Variants in C16orf78 observed in about 807,000 individuals in gnomAD.
C16orf78 encodes uncharacterized protein C16orf78.
C16orf78 carries 19 observed loss-of-function variants against 27.3 expected under a neutral mutation model. The ratio of observed to expected loss-of-function variants is 0.70; its 90% CI spans 0.49 to 1.02. C16orf78 has a LOEUF of 1.02. Ranked by LOEUF, C16orf78 falls within the 50% of genes least tolerant of loss-of-function variation. C16orf78 has a pLI of 0.00. For synonymous variants in C16orf78, 130 were observed against 116.1 expected (o/e 1.12, Z -0.77); for missense variants, 339 against 337.0 (o/e 1.01, Z -0.05).
intron 3 of C16orf78, among the ~76,000 whole-genome samples, chr16:49,382,767 A>C (rs1251578021): frequency 6.6e-6 from 1 of 152,114 alleles, no homozygotes; most frequent in Non-Finnish European, 1.5e-5. Flanking sequence ...GAGTCCTGGT[A>C]CTGCTCAGTT....
At chr16:49,390,290 T>A (rs1477270101) in intron 3 of C16orf78, among the ~76,000 whole-genome samples, 1 of 152,220 alleles carries the variant, frequency 6.6e-6, no homozygotes, top group Non-Finnish European at 1.5e-5. Flanking sequence ...TTTGACAAAT[T>A]TTTGGACATT....
intron 4 of C16orf78, among the ~76,000 whole-genome samples, 160 bp downstream of exon 4, chr16:49,396,838 G>C (rs144238481): frequency 0.015 from 2,343 of 152,306 alleles, 33 homozygotes; most frequent in Non-Finnish European, 0.024. Context: ...CTGCTCCAGG[G>C]CTCAAGCCAG....
intron 1 of C16orf78, among the ~76,000 whole-genome samples, chr16:49,375,435 G>A (rs1965203211): frequency 6.6e-6 from 1 of 152,206 alleles, no homozygotes; most frequent in Non-Finnish European, 1.5e-5. Context: ...CATGGCAGAA[G>A]GCAAAAGAGG....
At chr16:49,391,753 C>T (rs1382674152) in intron 3 of C16orf78, among the ~76,000 whole-genome samples, 2 of 152,172 alleles carry the variant, frequency 1.3e-5, no homozygotes, top group African/African-American at 2.4e-5. Context: ...ATATTGCTAT[C>T]GCTCCTTCCT....
chr16:49,375,584 CT>C (rs1374643483), intron 1 of C16orf78, among the ~76,000 whole-genome samples: 1 of 152,170 alleles, frequency 6.6e-6, no homozygotes, highest in East Asian at 1.9e-4. Flanking sequence ...GAAAGTGCCC[CT>C]ATGATCTAAT....
At chr16:49,382,438 TAAA>T (rs1965297704) in intron 3 of C16orf78, among the ~76,000 whole-genome samples, 1 of 151,524 alleles carries the variant, frequency 6.6e-6, no homozygotes, top group Admixed American at 6.6e-5. Flanking sequence ...AATAAATAAA[TAAA>T]TAAATTTAAA....
intron 3 of C16orf78, among the ~76,000 whole-genome samples, chr16:49,391,166 T>G (rs1314729632): frequency 1.3e-5 from 2 of 152,158 alleles, no homozygotes; most frequent in African/African-American, 4.8e-5. Flanking sequence ...ATTACCAAAT[T>G]GAATTTAAAT....
At chr16:49,395,720 G>A (rs1183739068) in intron 3 of C16orf78, among the ~76,000 whole-genome samples, 5 of 152,062 alleles carry the variant, frequency 3.3e-5, no homozygotes, top group East Asian at 1.9e-4. Flanking sequence ...TCAACGATTC[G>A]CCCTTTTAAA....
chr16:49,397,632 A>AC (rs1442500733), intron 4 of C16orf78, among the ~76,000 whole-genome samples: 1 of 152,112 alleles, frequency 6.6e-6, no homozygotes, highest in Admixed American at 6.5e-5. Context: ...CAGACAGCCT[A>AC]CCCGGGTTCC....
intron 3 of C16orf78, among the ~76,000 whole-genome samples, chr16:49,395,673 C>T (rs188730082): frequency 6.6e-6 from 1 of 152,200 alleles, no homozygotes; most frequent in Non-Finnish European, 1.5e-5. Context: ...ACATTCTGTT[C>T]CTCTGCCTGC....
intron 3 of C16orf78, among the ~76,000 whole-genome samples, chr16:49,379,927 C>T (rs2151611289): frequency 6.6e-6 from 1 of 152,194 alleles, no homozygotes; most frequent in African/African-American, 2.4e-5. Context: ...AGAGGCAGAC[C>T]CACCCTCAAC....
chr16:49,382,292 A>G (rs934950979), intron 3 of C16orf78, among the ~76,000 whole-genome samples: 8 of 152,138 alleles, frequency 5.3e-5, no homozygotes, highest in Admixed American at 1.3e-4. Flanking sequence ...GAGGGATAGC[A>G]TTAGGAGATA....
intron 3 of C16orf78, among the ~76,000 whole-genome samples, chr16:49,393,203 C>T (rs72776783): frequency 5.3e-5 from 8 of 152,142 alleles, no homozygotes; most frequent in African/African-American, 1.9e-4. Context: ...ACATCTCCCT[C>T]CCATTCTCCC....
At chr16:49,396,353 C>A in intron 3 of C16orf78, 70 bp from the exon 4 acceptor site, 1 of 1,548,948 alleles carries the variant, frequency 6.5e-7, no homozygotes. Context: ...AGCCTTCATC[C>A]CCTTCCTGCC....
At chr16:49,386,679 ATT>A (rs1965355508) in intron 3 of C16orf78, among the ~76,000 whole-genome samples, 1 of 152,060 alleles carries the variant, frequency 6.6e-6, no homozygotes, top group Non-Finnish European at 1.5e-5. Context: ...TCTCCCACTT[ATT>A]AGTGAGAGCA....
At chr16:49,392,802 A>G (rs1477798656) in intron 3 of C16orf78, among the ~76,000 whole-genome samples, 1 of 152,136 alleles carries the variant, frequency 6.6e-6, no homozygotes, top group Non-Finnish European at 1.5e-5. Context: ...CCAAGTAGTG[A>G]GCATATGATA....
intron 2 of C16orf78, 91 bp downstream of exon 2, chr16:49,377,941 T>C: frequency 6.8e-7 from 1 of 1,472,860 alleles, no homozygotes; most frequent in Non-Finnish European, 9.0e-7. Flanking sequence ...GCCTGCCTAC[T>C]TTCTAAATTT....
chr16:49,392,076 C>A (rs1329632682), intron 3 of C16orf78, among the ~76,000 whole-genome samples: 1 of 152,184 alleles, frequency 6.6e-6, no homozygotes, highest in African/African-American at 2.4e-5. Context: ...TATGTAATTG[C>A]AGGAGGTCTA....
Position 49,397,265 on chromosome 16 carries a change from C to T in C16orf78, c.650+587C>T, listed in dbSNP as rs140653461. Among the ~76,000 whole-genome samples the T allele has an allele frequency of 6.8e-4, 104 of 152,316 alleles. 2 individuals carry two copies. The highest frequency in any genetic ancestry group is 2.4e-3 in the African/African-American group (99 of 41,570). ...CCATCAAAAAACAAGCATCCCTCTC[C>T]CTAGCCCAGTGTTTTCCTTTACTGT... On this transcript the variant is annotated intron_variant, in intron 4 of 4. Transcript: ENST00000299191.
Sources: allele counts gnomAD v4.1 joint callset (sites outside exome capture counted in the v4.1 genomes callset), GRCh38; gene constraint gnomAD v4.1.1; transcripts MANE v1.5; gene names NCBI Gene and HGNC (gene_info 2026-07-23, HGNC 2026-07-21).